TIPRL: variants seen among roughly 807,000 people sequenced by gnomAD.
The protein encoded by TIPRL is TOR signaling pathway regulator.
In TIPRL, 10 loss-of-function variants were observed where a neutral mutation model predicts 32.3. The observed-to-expected ratio is 0.31, with a 90% confidence interval of 0.19 to 0.52. TIPRL has a LOEUF of 0.52. Among genes scored for constraint, TIPRL ranks in the 20% least tolerant of loss-of-function variants. The probability of loss-of-function intolerance (pLI) is 0.96; values close to 1 mark genes in which losing one functional copy is unlikely to be tolerated. For synonymous variants in TIPRL, 100 were observed against 114.0 expected (o/e 0.88, Z 0.78); for missense variants, 250 against 328.1 (o/e 0.76, Z 1.84).
intron 4 of TIPRL, among the ~76,000 whole-genome samples, chr1:168,195,879 A>T (rs1256541589): frequency 6.6e-6 from 1 of 152,070 alleles, no homozygotes; most frequent in Admixed American, 6.6e-5. Context: ...AGCTAAACAT[A>T]TTCATTTTAA....
At chr1:168,187,539 C>T (rs747577008) in intron 3 of TIPRL, among the ~76,000 whole-genome samples, 9 of 152,198 alleles carry the variant, frequency 5.9e-5, no homozygotes, top group Non-Finnish European at 1.3e-4. Context: ...TGGTAATGAG[C>T]TCAGGCTTTG....
At chr1:168,185,015 A>G in intron 3 of TIPRL, 137 bp downstream of exon 3, 2 of 550,180 alleles carry the variant, frequency 3.6e-6, no homozygotes, top group South Asian at 5.3e-5. Flanking sequence ...TCAGAACCTA[A>G]TGTGAGGGGG....
Position 168,200,340 on chromosome 1 carries a change from AGCACAGTCT to A in TIPRL, c.*298_*306del. ...TGATGTGTGTGTCTCATGAGCAGTG[AGCACAGTCT>A]GCATTCATCATGAAACACTATCTTC... is the stretch of plus-strand genomic sequence containing the variant. On this transcript the variant is annotated 3_prime_UTR_variant, in exon 7 of 7. Transcript: ENST00000367833. The A allele has an allele frequency of 3.9e-6, 1 of 255,340 alleles. No individual in the cohort carries two copies. The highest frequency in any genetic ancestry group is 8.7e-5 in the East Asian group (1 of 11,544). The allele number at this position is 255,340 out of a possible 1,614,324, so 15.8% of individuals were successfully genotyped here.
intron 3 of TIPRL, among the ~76,000 whole-genome samples, chr1:168,188,753 C>T (rs538067534): frequency 5.3e-5 from 8 of 152,098 alleles, no homozygotes; most frequent in East Asian, 3.9e-4. Flanking sequence ...CCGAGGCAGG[C>T]GGAACACCTG....
At chr1:168,197,143 G>A (rs1334003995) in intron 5 of TIPRL, among the ~76,000 whole-genome samples, 2 of 152,102 alleles carry the variant, frequency 1.3e-5, no homozygotes, top group African/African-American at 4.8e-5. Flanking sequence ...GTGAAACCCT[G>A]TCTCTACTAA....
In TIPRL at chr1:168,184,833, A is replaced by C. The variant is rs370293455; in HGVS notation, c.339A>C (p.Thr113=). 7.4e-6 allele frequency: 12 copies of C among 1,612,556 alleles called. No individual in the cohort carries two copies. Among genetic ancestry groups the C allele is most frequent in the African/African-American group, 1.3e-5 (1 of 74,902 alleles). Residue 113 remains threonine (T), a synonymous_variant, in exon 3 of 7, where the codon ACA becomes ACC. Coordinates refer to ENST00000367833, the MANE Select transcript of TIPRL (RefSeq NM_152902.5). ...EVIKPYDWTY[T]TDYKGTLLGE... ...TTAAACCATATGATTGGACCTATAC[A>C]ACAGATTATAAGGGAACCTTACTTG...
chr1:168,186,421 A>C (rs1572431598), intron 3 of TIPRL, among the ~76,000 whole-genome samples: 1 of 151,066 alleles, frequency 6.6e-6, no homozygotes, highest in Non-Finnish European at 1.5e-5. Flanking sequence ...ACTTGAACCC[A>C]GGAGGTAGAG....
Position 168,196,572 on chromosome 1 carries a change from T to G in TIPRL, c.542T>G (p.Leu181Arg). The change falls in exon 5 of 7, where the codon CTG becomes CGG. Residue 181 changes from leucine (L) to arginine (R), a missense_variant. Transcript: ENST00000367833. ...KIRVMPSSFF[L>R]LLRFFLRIDG... ...AGAGTAATGCCTTCTAGCTTTTTCC[T>G]GCTGTTGCGGTTTTTCTTGAGAATT... 1 of 1,602,466 alleles carries G rather than the reference T, an allele frequency of 6.2e-7. No homozygotes were observed. The highest frequency in any genetic ancestry group is 8.5e-7 in the Non-Finnish European group (1 of 1,174,304).
chr1:168,197,822 C>G (rs1186250654), intron 5 of TIPRL, among the ~76,000 whole-genome samples: 1 of 152,098 alleles, frequency 6.6e-6, no homozygotes, highest in Non-Finnish European at 1.5e-5. Flanking sequence ...CCACACCGCT[C>G]CTGGCCTAAA....
intron 1 of TIPRL, among the ~76,000 whole-genome samples, chr1:168,182,831 T>C (rs774330978): frequency 4.6e-5 from 7 of 152,234 alleles, no homozygotes; most frequent in Non-Finnish European, 8.8e-5. Flanking sequence ...TTAAAACTTA[T>C]TTTATGGAAT....
At chr1:168,185,748 T>C (rs1441590363) in intron 3 of TIPRL, among the ~76,000 whole-genome samples, 87 of 113,158 alleles carry the variant, frequency 7.7e-4, no homozygotes, top group Middle Eastern at 6.3e-3. Flanking sequence ...CCAGCCTGGG[T>C]GACAGAGTGA....
rs1261561656 is a variant in TIPRL, at chr1:168,179,007, G to GAGGAACCGGTGTTCGCCGC, written c.-70_-52dup. ...TAGGAGGCTGGGCCGGAGGGAGGCG[G>GAGGAACCGGTGTTCGCCGC]AGGAACCGGTGTTCGCCGCCGCCGC... On this transcript the variant is annotated 5_prime_UTR_variant, in exon 1 of 7. Coordinates refer to ENST00000367833, the MANE Select transcript of TIPRL (RefSeq NM_152902.5). 2.2e-6 allele frequency: 3 copies of GAGGAACCGGTGTTCGCCGC among 1,393,874 alleles called. No individual in the cohort carries two copies. The highest frequency in any genetic ancestry group is 3.0e-6 in the Non-Finnish European group (3 of 1,007,382). The allele number at this position is 1,393,874 out of a possible 1,614,324, so 86.3% of individuals were successfully genotyped here.
At chr1:168,195,203 A>T (rs1035198340) in intron 4 of TIPRL, among the ~76,000 whole-genome samples, 1 of 152,176 alleles carries the variant, frequency 6.6e-6, no homozygotes, top group Non-Finnish European at 1.5e-5. Context: ...CCCTGTGCTT[A>T]TATGTAAGAT....
At position 168,200,164 on chromosome 1, in the gene TIPRL, T is replaced by G; in HGVS notation, c.*118T>G. On this transcript the variant is annotated 3_prime_UTR_variant, in exon 7 of 7. Coordinates refer to ENST00000367833, the MANE Select transcript of TIPRL (RefSeq NM_152902.5). The stretch of plus-strand genomic sequence containing the variant: ...TTTATGTACAGATTTTCTGTAGCCT[T>G]AAAGGAAAAAAAAATAAAGATCGTT... 8.9e-7 allele frequency: 1 copy of G among 1,128,938 alleles called. No homozygotes were observed. Among genetic ancestry groups the G allele is most frequent in the Non-Finnish European group, 1.2e-6 (1 of 828,226 alleles). 69.9% of individuals were successfully genotyped at this position (1,128,938 alleles called of 1,614,324 possible).
At chr1:168,194,591 C>T (rs1700133419) in intron 4 of TIPRL, among the ~76,000 whole-genome samples, 1 of 152,184 alleles carries the variant, frequency 6.6e-6, no homozygotes, top group Admixed American at 6.5e-5. Flanking sequence ...GTAGTAATGT[C>T]AAATAATAAT....
At chr1:168,182,947 A>G (rs1699985254) in intron 1 of TIPRL, among the ~76,000 whole-genome samples, 1 of 152,242 alleles carries the variant, frequency 6.6e-6, no homozygotes, top group Non-Finnish European at 1.5e-5. Context: ...TAAAATTATG[A>G]TGAAAGTTAA....
chr1:168,180,163 G>T (rs79139323), intron 1 of TIPRL, among the ~76,000 whole-genome samples: 2,154 of 152,138 alleles, frequency 0.014, 23 homozygotes, highest in South Asian at 0.032. Flanking sequence ...ATGGGAAGGA[G>T]ACCAGTTAGT....
chr1:168,192,186 C>A lies in TIPRL; in HGVS notation c.516+686C>A. 2.7e-6 allele frequency: 4 copies of A among 1,480,616 alleles called. No individual in the cohort carries two copies. The South Asian group carries it at 3.9e-5, about 14-fold the overall frequency. The allele number at this position is 1,480,616 out of a possible 1,614,324, so 91.7% of individuals were successfully genotyped here. A position where few individuals can be genotyped will look rare whatever the true frequency, so the allele number is the denominator to read the frequency against. On this transcript the variant is annotated intron_variant, in intron 4 of 6. Coordinates refer to ENST00000367833, the MANE Select transcript of TIPRL (RefSeq NM_152902.5). ...TGTGTTATGATTTCAGTGCATCATT[C>A]AACTACCACTTCAATTTTCAGCCTG...
intron 3 of TIPRL, 52 bp downstream of exon 3, chr1:168,184,930 A>G: frequency 8.4e-7 from 1 of 1,190,260 alleles, no homozygotes; most frequent in Non-Finnish European, 1.2e-6. Context: ...GGACAGTCTG[A>G]GCATTAGAAC....
Sources: allele counts gnomAD v4.1 joint callset (sites outside exome capture counted in the v4.1 genomes callset), GRCh38; gene constraint gnomAD v4.1.1; transcripts MANE v1.5; gene names NCBI Gene and HGNC (gene_info 2026-07-23, HGNC 2026-07-21).